PIEZO2: variants seen among roughly 807,000 people sequenced by gnomAD.
PIEZO2 encodes the protein piezo-type mechanosensitive ion channel component 2.
PIEZO2 carries 172 observed loss-of-function variants against 337.3 expected under a neutral mutation model. The observed-to-expected ratio is 0.51, with a 90% CI of 0.45 to 0.58. The LOEUF (loss-of-function observed/expected upper bound fraction) is 0.58, where lower values mean the gene tolerates loss of function less well. PIEZO2 is among the 20% of genes least tolerant of loss of function. The pLI, the probability that PIEZO2 is intolerant of heterozygous loss-of-function variation, is 0.00. For missense variants in PIEZO2, 3,028 were observed against 3,391.3 expected, an observed-to-expected ratio of 0.89 and a Z score of 2.66; for synonymous variants, 1,251 against 1,228.5, an observed-to-expected ratio of 1.02 and a Z score of -0.38.
chr18:10,773,327 T>C lies in PIEZO2; in HGVS notation c.2785+85A>G, dbSNP rs2038669483. On this transcript the variant is annotated intron_variant, in intron 20 of 55. Transcript: ENST00000674853. This position sits in a 1 kb window ranked among gnomAD's most constrained non-coding sequence, Gnocchi z 5.3. Reference sequence around the variant, plus strand: ...TATGTCATGGACTGGGTCAAATATATATTCTTTTGGAGCAAGTCAATGTTT... The same window carrying C: ...TATGTCATGGACTGGGTCAAATATACATTCTTTTGGAGCAAGTCAATGTTT... The C allele has an allele frequency of 7.4e-7, 1 of 1,343,828 alleles. No homozygotes were observed. The highest frequency in any genetic ancestry group is 1.0e-6 in the Non-Finnish European group (1 of 975,896). 83.2% of individuals were successfully genotyped at this position (1,343,828 alleles called of 1,614,324 possible).
chr18:11,063,789 C>G (rs761665010), intron 2 of PIEZO2, among the ~76,000 whole-genome samples: 1 of 152,204 alleles, frequency 6.6e-6, no homozygotes, highest in Non-Finnish European at 1.5e-5. Flanking sequence ...AATGTACTTT[C>G]ATATAATTCA....
chr18:10,855,626 G>C lies in PIEZO2; in HGVS notation c.704-60C>G. On this transcript the variant is annotated intron_variant, in intron 6 of 55. Coordinates refer to ENST00000674853, the MANE Select transcript of PIEZO2 (RefSeq NM_001378183.1). This position sits in a 1 kb window ranked among gnomAD's most constrained non-coding sequence, Gnocchi z 4.9. ...GAACTGGAAATTCACTTATCATTCA[G>C]TGAATGTGACTATTTGAAATTATGT... The C allele has an allele frequency of 7.7e-7, 1 of 1,292,570 alleles. No homozygotes were observed. Among genetic ancestry groups the C allele is most frequent in the Non-Finnish European group, 1.1e-6 (1 of 935,838 alleles). The allele number at this position is 1,292,570 out of a possible 1,614,324, so 80.1% of individuals were successfully genotyped here. A position where few individuals can be genotyped will look rare whatever the true frequency, so the allele number is the denominator to read the frequency against.
At chr18:10,698,593 T>G (rs2035200678) in intron 44 of PIEZO2, among the ~76,000 whole-genome samples, 1 of 152,266 alleles carries the variant, frequency 6.6e-6, no homozygotes, top group Non-Finnish European at 1.5e-5. Context: ...GATAGCACTC[T>G]GGACACGCCC....
At chr18:10,972,812 C>T (rs1460575903) in intron 3 of PIEZO2, among the ~76,000 whole-genome samples, 1 of 152,136 alleles carries the variant, frequency 6.6e-6, no homozygotes, top group Non-Finnish European at 1.5e-5. Flanking sequence ...AGAATTAGGA[C>T]TTCTCTAATA....
At position 11,129,960 on chromosome 18, in the gene PIEZO2, T is replaced by A. The variant is rs918150936; in HGVS notation, c.64+18565A>T. ...CCAGAATGCATAATTGACATAGACA[T>A]ACTCAGCAGCTGGCAGAACCCCCAC... On this transcript the variant is annotated intron_variant, in intron 1 of 55. Transcript: ENST00000674853. The surrounding 1 kb of genome is among the most constrained non-coding windows in gnomAD (Gnocchi z 4.6). Among the ~76,000 whole-genome samples the A allele has an allele frequency of 5.3e-5, 8 of 152,262 alleles. 1 individual carries two copies. In the South Asian group the frequency reaches 1.7e-3, roughly 32 times the overall value.
In PIEZO2 at chr18:10,924,066, A is replaced by C. The variant is rs1332302140; in HGVS notation, c.287-12838T>G. Among the ~76,000 whole-genome samples, 4 of 152,260 alleles carry C rather than the reference A, an allele frequency of 2.6e-5. No homozygotes were observed. The South Asian group carries it at 6.2e-4, about 24-fold the overall frequency. ...CAGTGTTTAAATGAATAATGCTGCC[A>C]GACAGGCATGGCTCAGAAGACACTT... On this transcript the variant is annotated intron_variant, in intron 3 of 55. Transcript: ENST00000674853.
chr18:10,792,245 G>A (rs1363012082), intron 13 of PIEZO2, among the ~76,000 whole-genome samples: 1 of 152,158 alleles, frequency 6.6e-6, no homozygotes, highest in Non-Finnish European at 1.5e-5. Context: ...CACCATGCCT[G>A]GTCACACAGA....
intron 21 of PIEZO2, 130 bp downstream of exon 21, chr18:10,770,018 C>G: frequency 1.0e-6 from 1 of 965,414 alleles, no homozygotes; most frequent in South Asian, 2.0e-5. Flanking sequence ...AGTGTAAGTA[C>G]TTAGTCTTGG....
rs768944507 is a variant in PIEZO2 at position 10,681,691 on chromosome 18, G to A, written c.7749C>T (p.Asn2583=). The change falls in exon 51 of 56, where the codon AAC becomes AAT. Residue 2583 remains asparagine, a synonymous_variant. Coordinates refer to ENST00000674853, the MANE Select transcript of PIEZO2 (RefSeq NM_001378183.1). Reference sequence around the variant, plus strand: ...CCCTAGAAAAAGCTTGTATAAATTTGTTAAAGCTCTGCTGGTCCATAACTT... The same window carrying A: ...CCCTAGAAAAAGCTTGTATAAATTTATTAAAGCTCTGCTGGTCCATAACTT... ...QLKVMDQQSF[N]KFIQAFSRDT... is the part of the protein sequence containing the mutation. The A allele has an allele frequency of 6.2e-7, 1 of 1,609,608 alleles. No homozygotes were observed. Among genetic ancestry groups the A allele is most frequent in the Non-Finnish European group, 8.5e-7 (1 of 1,176,002 alleles).
At chr18:10,832,966 C>T (rs538886228) in intron 7 of PIEZO2, among the ~76,000 whole-genome samples, 2 of 152,296 alleles carry the variant, frequency 1.3e-5, no homozygotes, top group Admixed American at 6.5e-5. Flanking sequence ...GCCTGCCCTC[C>T]GGGGGTGCAC....
At chr18:10,757,722 G>A (rs1273776107) in intron 27 of PIEZO2, among the ~76,000 whole-genome samples, 1 of 151,924 alleles carries the variant, frequency 6.6e-6, no homozygotes, top group Non-Finnish European at 1.5e-5. Flanking sequence ...AGTCAGTTTT[G>A]GTATGAAGAA....
chr18:10,967,423 A>AT (rs1304317461), intron 3 of PIEZO2, among the ~76,000 whole-genome samples: 1 of 152,014 alleles, frequency 6.6e-6, no homozygotes, highest in Non-Finnish European at 1.5e-5. Flanking sequence ...GTGTGCAAGC[A>AT]TTTTTTTCAT....
rs756881365 is a variant in PIEZO2 at position 10,895,499 on chromosome 18, G to A, written c.329+15687C>T. Among the ~76,000 whole-genome samples the A allele has an allele frequency of 2.0e-5, 3 of 152,010 alleles. No homozygotes were observed. The highest frequency in any genetic ancestry group is 4.8e-5 in the African/African-American group (2 of 41,402). ...AAAAGAAAGTCAATGGCCTCATGAG[G>A]TTGTTCAGTGACCACACCAGAGCCC... is the stretch of plus-strand genomic sequence containing the variant. On this transcript the variant is annotated intron_variant, in intron 4 of 55. Coordinates refer to ENST00000674853, the MANE Select transcript of PIEZO2 (RefSeq NM_001378183.1). The surrounding 1 kb of genome is among the most constrained non-coding windows in gnomAD (Gnocchi z 4.8).
rs548929421 is a variant in PIEZO2, at chr18:11,028,109, G to T, written c.160+38018C>A. 2.0e-5 allele frequency among the ~76,000 whole-genome samples: 3 copies of T among 152,216 alleles called. No homozygotes were observed. The East Asian group carries it at 5.8e-4, about 29-fold the overall frequency. ...TGCTAGATCTCAGTTCTCACTTTCT[G>T]ATTTACATGGTGTGGCACCACGAGC... On this transcript the variant is annotated intron_variant, in intron 2 of 55. Coordinates refer to ENST00000674853, the MANE Select transcript of PIEZO2 (RefSeq NM_001378183.1). The surrounding 1 kb of genome is among the most constrained non-coding windows in gnomAD (Gnocchi z 4.8).
At chr18:10,705,264 A>T in intron 41 of PIEZO2, 72 bp downstream of exon 41, 1 of 1,428,186 alleles carries the variant, frequency 7.0e-7, no homozygotes, top group East Asian at 2.5e-5. Context: ...ATTTTTCTGT[A>T]TACAGAATTA....
chr18:11,045,031 C>G (rs1036319202), intron 2 of PIEZO2, among the ~76,000 whole-genome samples: 1 of 151,954 alleles, frequency 6.6e-6, no homozygotes, highest in African/African-American at 2.4e-5. Context: ...CACGGTGGCT[C>G]ATGCCTGTAA....
At chr18:10,848,575 C>T (rs148540044) in intron 7 of PIEZO2, among the ~76,000 whole-genome samples, 16 of 152,256 alleles carry the variant, frequency 1.1e-4, no homozygotes, top group African/African-American at 3.4e-4. Context: ...GAATCTTTCC[C>T]ATTCCTTCCC....
chr18:11,134,009 A>G (rs1235534446), intron 1 of PIEZO2, among the ~76,000 whole-genome samples: 1 of 152,094 alleles, frequency 6.6e-6, no homozygotes, highest in Non-Finnish European at 1.5e-5. Context: ...AGGGCAAGTT[A>G]AGGATTTAGG....
intron 3 of PIEZO2, among the ~76,000 whole-genome samples, chr18:10,955,234 A>T (rs951308418): frequency 6.6e-6 from 1 of 152,246 alleles, no homozygotes; most frequent in African/African-American, 2.4e-5. Flanking sequence ...TATCAAGATC[A>T]GCCTTAATCT....
Sources: allele counts gnomAD v4.1 joint callset (sites outside exome capture counted in the v4.1 genomes callset), GRCh38; gene constraint gnomAD v4.1.1; non-coding constraint Gnocchi (gnomAD v3.1); transcripts MANE v1.5; gene names NCBI Gene and HGNC (gene_info 2026-07-23, HGNC 2026-07-21).